The following KCNG3 variants were observed in gnomAD, a reference collection of about 807,000 sequenced individuals.
The protein encoded by KCNG3 is potassium voltage-gated channel modifier subfamily G member 3.
Under a neutral mutation model 29.0 loss-of-function variants are expected in KCNG3, and 15 were observed. The ratio of observed to expected loss-of-function variants is 0.52; its 90% CI spans 0.35 to 0.80. The LOEUF is 0.80. Among genes scored for constraint, KCNG3 ranks in the 30% least tolerant of loss-of-function variants. The pLI, the probability that KCNG3 is intolerant of heterozygous loss-of-function variation, is 0.01. For synonymous variants in KCNG3, 322 were observed against 248.9 expected, an observed-to-expected ratio of 1.29 and a Z score of -2.76; for missense variants, 512 against 605.7, an observed-to-expected ratio of 0.85 and a Z score of 1.62.
Position 42,444,423 on chromosome 2 carries a change from A to G in KCNG3, c.822T>C (p.Phe274=). Residue 274 remains phenylalanine (F), a synonymous_variant, in exon 2 of 2, where the codon TTT becomes TTC. Coordinates refer to ENST00000306078, the MANE Select transcript of KCNG3 (RefSeq NM_133329.6). This position sits in a 1 kb window ranked among gnomAD's most constrained non-coding sequence, Gnocchi z 5.8. The part of the protein sequence containing the change: ...PYYISVLMTV[F]TGENSQLQRA... ...TCTGGAGTTGAGAGTTCTCGCCTGT[A>G]AACACTGTCATCAACACAGAGATGT... 1.2e-6 allele frequency: 2 copies of G among 1,614,210 alleles called. No homozygotes were observed. The highest frequency in any genetic ancestry group is 1.7e-5 in the Admixed American group (1 of 60,026).
Position 42,493,577 on chromosome 2 carries a change from C to T in KCNG3, c.-76G>A, listed in dbSNP as rs58237473. On this transcript the variant is annotated 5_prime_UTR_variant, in exon 1 of 2. Coordinates refer to ENST00000306078, the MANE Select transcript of KCNG3 (RefSeq NM_133329.6). ...ACCCCAAGCCGCCACGCGGGGCCTG[C>T]CTGCCCGTGGCTGACGGGGGAGCGC... 1.2e-5 allele frequency: 15 copies of T among 1,230,320 alleles called. No homozygotes were observed. The African/African-American group carries it at 2.2e-4, about 18-fold the overall frequency. The allele number at this position is 1,230,320 out of a possible 1,614,324, so 76.2% of individuals were successfully genotyped here. A position where few individuals can be genotyped will look rare whatever the true frequency, so the allele number is the denominator to read the frequency against.
chr2:42,483,674 C>G (rs949623027), intron 1 of KCNG3, among the ~76,000 whole-genome samples: 1 of 152,194 alleles, frequency 6.6e-6, no homozygotes, highest in African/African-American at 2.4e-5. Context: ...ACAATCATTA[C>G]TATTATCATC....
chr2:42,413,026 G>A, the KCNG3 span, among the ~76,000 whole-genome samples: 1 of 152,132 alleles, frequency 6.6e-6, no homozygotes, highest in African/African-American at 2.4e-5. Flanking sequence ...CTGGAGTGCA[G>A]TGGTGCAATC....
the KCNG3 span, among the ~76,000 whole-genome samples, chr2:42,392,250 C>G: frequency 6.6e-6 from 1 of 152,076 alleles, no homozygotes; most frequent in Non-Finnish European, 1.5e-5. Context: ...TGCTCTTAGT[C>G]CATGCTGCAG....
chr2:42,430,526 G>A, the KCNG3 span, among the ~76,000 whole-genome samples: 1 of 151,374 alleles, frequency 6.6e-6, no homozygotes, highest in Non-Finnish European at 1.5e-5. Context: ...AAGGCAGGAA[G>A]ATCACTTGGG....
At chr2:42,467,374 AAGTC>A (rs1270419265) in intron 1 of KCNG3, among the ~76,000 whole-genome samples, 3 of 152,210 alleles carry the variant, frequency 2.0e-5, no homozygotes, top group African/African-American at 7.2e-5. Context: ...TCATTTTAAA[AAGTC>A]AGTGAAAGGC....
intron 1 of KCNG3, chr2:42,463,859 G>A: frequency 3.7e-6 from 1 of 272,912 alleles, no homozygotes; most frequent in South Asian, 3.6e-5. Flanking sequence ...CTCAGTGTTG[G>A]CTGAGCCTAG....
chr2:42,428,494 G>C, the KCNG3 span, among the ~76,000 whole-genome samples: 1 of 147,336 alleles, frequency 6.8e-6, no homozygotes, highest in Non-Finnish European at 1.5e-5. Context: ...GAAAAAGTTT[G>C]ACAATTACTG....
downstream of KCNG3, among the ~76,000 whole-genome samples, chr2:42,437,300 A>G (rs2103650766): frequency 6.6e-6 from 1 of 152,336 alleles, no homozygotes; most frequent in East Asian, 1.9e-4. Context: ...TATAAGTCGA[A>G]TCTTAGAAAG....
downstream of KCNG3, among the ~76,000 whole-genome samples, chr2:42,439,409 G>A (rs1262574477): frequency 6.6e-6 from 1 of 151,318 alleles, no homozygotes; most frequent in Non-Finnish European, 1.5e-5. Context: ...TTACATTCAC[G>A]TGTCATCAAG....
At chr2:42,405,798 G>C in the KCNG3 span, among the ~76,000 whole-genome samples, 2 of 151,982 alleles carry the variant, frequency 1.3e-5, no homozygotes, top group East Asian at 3.9e-4. Context: ...AGTAGTGATG[G>C]CGTTTCACCA....
chr2:42,468,126 T>C (rs1303512623), intron 1 of KCNG3, among the ~76,000 whole-genome samples: 1 of 151,822 alleles, frequency 6.6e-6, no homozygotes, highest in African/African-American at 2.4e-5. Context: ...AAAATAAAAA[T>C]AAAAAGACAA....
chr2:42,401,922 C>A, the KCNG3 span, among the ~76,000 whole-genome samples: 14 of 152,036 alleles, frequency 9.2e-5, no homozygotes, highest in African/African-American at 3.4e-4. Context: ...AAACAAAAAA[C>A]CAGAGAAATA....
chr2:42,459,195 G>A lies in KCNG3; in HGVS notation c.666-14616C>T, dbSNP rs1252077082. Among the ~76,000 whole-genome samples the A allele has an allele frequency of 4.4e-5, 5 of 114,290 alleles. No individual in the cohort carries two copies. In the East Asian group the frequency reaches 1.1e-3, roughly 24 times the overall value. The allele number at this position is 114,290 out of a possible 152,430, so 75.0% of individuals were successfully genotyped here. On this transcript the variant is annotated intron_variant, in intron 1 of 1. Transcript: ENST00000306078. ...TGGGCAACAAGAGCGAAACTCCATC[G>A]TCTCAAAAAAAAAAAAAAATAGAGA...
chr2:42,432,293 A>C, the KCNG3 span, among the ~76,000 whole-genome samples: 1 of 152,234 alleles, frequency 6.6e-6, no homozygotes, highest in Non-Finnish European at 1.5e-5. Context: ...CTGAAGGTTA[A>C]TTAACCATCA....
chr2:42,476,354 G>A (rs1673425611), intron 1 of KCNG3, among the ~76,000 whole-genome samples: 1 of 151,950 alleles, frequency 6.6e-6, no homozygotes, highest in African/African-American at 2.4e-5. Context: ...GCACAGGCCT[G>A]GAATCTCAGC....
At chr2:42,470,208 G>A (rs1362986156) in intron 1 of KCNG3, 9 of 421,666 alleles carry the variant, frequency 2.1e-5, no homozygotes, top group Admixed American at 3.4e-5. Flanking sequence ...AAGACAAAGC[G>A]AGTCCTCCCT....
At chr2:42,414,647 C>CT in the KCNG3 span, among the ~76,000 whole-genome samples, 1 of 151,580 alleles carries the variant, frequency 6.6e-6, no homozygotes, top group Non-Finnish European at 1.5e-5. Flanking sequence ...AAATTCTTAG[C>CT]TATTCTATCT....
chr2:42,484,329 G>A (rs1183415140), intron 1 of KCNG3, among the ~76,000 whole-genome samples: 5 of 152,120 alleles, frequency 3.3e-5, no homozygotes, highest in Non-Finnish European at 7.4e-5. Context: ...GGACATGGTG[G>A]TGCACACCTG....
Sources: allele counts gnomAD v4.1 joint callset (sites outside exome capture counted in the v4.1 genomes callset), GRCh38; gene constraint gnomAD v4.1.1; non-coding constraint Gnocchi (gnomAD v3.1); transcripts MANE v1.5; gene names NCBI Gene and HGNC (gene_info 2026-07-23, HGNC 2026-07-21).